Variants in ADAMTSL1 observed in about 807,000 individuals in gnomAD.
ADAMTSL1 encodes the protein ADAMTS-like protein 1.
A neutral mutation model predicts 201.8 loss-of-function variants in ADAMTSL1; 126 were observed. That is an observed-to-expected ratio of 0.62 (90% CI 0.54 to 0.72). The LOEUF is 0.72. ADAMTSL1 is among the 30% of genes least tolerant of loss of function. The pLI is 0.00. For missense variants in ADAMTSL1, 2,679 were observed against 2,277.8 expected, an observed-to-expected ratio of 1.18 and a Z score of -3.59; for synonymous variants, 1,121 against 903.4, an observed-to-expected ratio of 1.24 and a Z score of -4.32.
At chr9:18,424,847 T>C (rs1819133750) in intron 2 of ADAMTSL1, among the ~76,000 whole-genome samples, 1 of 152,204 alleles carries the variant, frequency 6.6e-6, no homozygotes, top group Admixed American at 6.5e-5. Context: ...GGCTCTTTCA[T>C]ACTGTTATGG....
chr9:18,679,551 T>G (rs1230279353), intron 10 of ADAMTSL1, among the ~76,000 whole-genome samples: 1 of 152,202 alleles, frequency 6.6e-6, no homozygotes, highest in Non-Finnish European at 1.5e-5. Context: ...TTTTCTACCT[T>G]ACTTAACTAT....
intron 1 of ADAMTSL1, among the ~76,000 whole-genome samples, chr9:18,002,013 T>G (rs1819630958): frequency 6.6e-6 from 1 of 151,912 alleles, no homozygotes; most frequent in South Asian, 2.1e-4. Flanking sequence ...GGCTCACAGC[T>G]GGAGAGGACT....
chr9:18,070,614 A>G (rs1205437267), intron 1 of ADAMTSL1, among the ~76,000 whole-genome samples: 1 of 152,152 alleles, frequency 6.6e-6, no homozygotes, highest in African/African-American at 2.4e-5. Flanking sequence ...GTAAGCTTGA[A>G]CTAAATGGCC....
intron 2 of ADAMTSL1, among the ~76,000 whole-genome samples, chr9:18,237,268 T>A (rs1399514043): frequency 6.6e-6 from 1 of 152,200 alleles, no homozygotes; most frequent in Non-Finnish European, 1.5e-5. Context: ...CTGTGTGTCT[T>A]GTAGTTGGCA....
At chr9:18,902,293 C>A (rs149559457) in intron 26 of ADAMTSL1, among the ~76,000 whole-genome samples, 2 of 152,208 alleles carry the variant, frequency 1.3e-5, no homozygotes, top group Non-Finnish European at 2.9e-5. Flanking sequence ...CACCCAATAA[C>A]AGCAGAATAC....
chr9:18,886,211 T>TATATATATAC (rs1202758335), intron 23 of ADAMTSL1, among the ~76,000 whole-genome samples: 4 of 105,892 alleles, frequency 3.8e-5, no homozygotes, highest in Non-Finnish European at 5.7e-5. Flanking sequence ...TATATATATA[T>TATATATATAC]ACACACACAT....
At chr9:18,271,916 C>T (rs930905197) in intron 2 of ADAMTSL1, among the ~76,000 whole-genome samples, 1 of 152,000 alleles carries the variant, frequency 6.6e-6, no homozygotes, top group African/African-American at 2.4e-5. Flanking sequence ...TTGCATTTCT[C>T]TGATGGCCAG....
At chr9:18,075,328 G>A (rs1280658335) in intron 1 of ADAMTSL1, among the ~76,000 whole-genome samples, 6 of 152,176 alleles carry the variant, frequency 3.9e-5, no homozygotes, top group Admixed American at 3.3e-4. Context: ...AAAAAGTGAA[G>A]TAGAAGTGAG....
intron 1 of ADAMTSL1, among the ~76,000 whole-genome samples, chr9:18,095,619 T>G (rs1452297779): frequency 6.6e-6 from 1 of 152,076 alleles, no homozygotes; most frequent in Non-Finnish European, 1.5e-5. Flanking sequence ...AGATGGGGTT[T>G]CGCCATGTTG....
At chr9:18,219,247 T>C (rs894085979) in intron 2 of ADAMTSL1, among the ~76,000 whole-genome samples, 1 of 151,936 alleles carries the variant, frequency 6.6e-6, no homozygotes, top group Admixed American at 6.6e-5. Flanking sequence ...TTGTAATTAG[T>C]ATAGCATGGT....
intron 1 of ADAMTSL1, among the ~76,000 whole-genome samples, chr9:17,977,709 G>T (rs139884424): frequency 6.6e-6 from 1 of 151,720 alleles, no homozygotes; most frequent in Non-Finnish European, 1.5e-5. Context: ...CTACCTAAAG[G>T]TCTAACATAC....
chr9:18,546,410 CAAGTG>C (rs1820470054), intron 3 of ADAMTSL1, among the ~76,000 whole-genome samples: 1 of 152,136 alleles, frequency 6.6e-6, no homozygotes, highest in Non-Finnish European at 1.5e-5. Flanking sequence ...CTCCTGGACT[CAAGTG>C]ATCTTCTCAT....
In ADAMTSL1 at chr9:18,176,065, C is replaced by T. The variant is rs139656995; in HGVS notation, c.207+12084C>T. ...CAAAGGTTTCGTTTGGCTAGAGGTG[C>T]AGTTGGACACAAGGTAATTAAAAAA... On this transcript the variant is annotated intron_variant, in intron 2 of 29. Coordinates refer to the ADAMTSL1 transcript ENST00000680146. Among the ~76,000 whole-genome samples, 170 of 144,562 alleles carry T rather than the reference C, an allele frequency of 1.2e-3. 6 individuals carry two copies. The South Asian group carries it at 0.028, about 24-fold the overall frequency. The allele number at this position is 144,562 out of a possible 152,430, so 94.8% of individuals were successfully genotyped here. A position where few individuals can be genotyped will look rare whatever the true frequency, so the allele number is the denominator to read the frequency against.
intron 1 of ADAMTSL1, among the ~76,000 whole-genome samples, chr9:18,029,970 A>C (rs988600744): frequency 2.6e-5 from 4 of 151,848 alleles, no homozygotes; most frequent in Admixed American, 6.5e-5. Flanking sequence ...TAGTTCAACC[A>C]TTGTGGAAGT....
At chr9:18,236,369 T>C (rs1016943189) in intron 2 of ADAMTSL1, among the ~76,000 whole-genome samples, 45 of 152,238 alleles carry the variant, frequency 3.0e-4, no homozygotes, top group African/African-American at 1.0e-3. Context: ...CCACCACGCA[T>C]GGCCTGTCTG....
rs10557934 is a variant in ADAMTSL1 at position 18,448,027 on chromosome 9, TTCTCTCTCTC to T, written c.208-56788_208-56779del. Among the ~76,000 whole-genome samples, 8 of 149,766 alleles carry T rather than the reference TTCTCTCTCTC, an allele frequency of 5.3e-5. No homozygotes were observed. The South Asian group carries it at 1.7e-3, about 32-fold the overall frequency. The stretch of plus-strand genomic sequence containing the variant: ...TTGTGTGCGTGCTCGCTCTCGCTCT[TTCTCTCTCTC>T]TCTCTCTCTCTCTGCCATAAAGTAT... On this transcript the variant is annotated intron_variant, in intron 2 of 29. Transcript: ENST00000680146.
chr9:18,531,253 A>G (rs1409086243), intron 2 of ADAMTSL1, among the ~76,000 whole-genome samples: 1 of 152,222 alleles, frequency 6.6e-6, no homozygotes, highest in Non-Finnish European at 1.5e-5. Context: ...ATGAAAATCC[A>G]GATCACTCTT....
At chr9:18,179,446 C>G (rs1422141981) in intron 2 of ADAMTSL1, among the ~76,000 whole-genome samples, 6 of 152,186 alleles carry the variant, frequency 3.9e-5, no homozygotes, top group Non-Finnish European at 5.9e-5. Flanking sequence ...AGTGGGAAAA[C>G]ACTCTGCAGG....
rs192700617 is a variant in ADAMTSL1 at position 18,409,192 on chromosome 9, T to C, written c.208-95637T>C. 2.7e-3 allele frequency among the ~76,000 whole-genome samples: 416 copies of C among 151,996 alleles called. 8 individuals carry two copies. Among genetic ancestry groups the C allele is most frequent in the Admixed American group, 0.023 (354 of 15,264 alleles). On this transcript the variant is annotated intron_variant, in intron 2 of 29. Coordinates refer to the ADAMTSL1 transcript ENST00000680146. ...TGAGGTCAGGAGTTTGAGACCAGCC[T>C]GACCAACATGGTGAAAACTCATCTC...
Sources: gnomAD v4.1 joint callset for allele counts (sites outside exome capture counted in the v4.1 genomes callset) on GRCh38, gnomAD v4.1.1 for gene constraint, MANE v1.5 for transcripts, NCBI Gene and HGNC (gene_info 2026-07-23, HGNC 2026-07-21) for gene names.